BCL10: variants seen among roughly 807,000 people sequenced by gnomAD.
The protein encoded by BCL10 is BCL10 immune signaling adaptor, also known as B-cell lymphoma/leukemia 10.
In BCL10, 5 loss-of-function variants were observed where a neutral mutation model predicts 19.2. The observed-to-expected ratio is 0.26, with a 90% CI of 0.14 to 0.55. BCL10 has a LOEUF of 0.55. Among genes scored for constraint, BCL10 ranks in the 20% least tolerant of loss-of-function variants. The probability of loss-of-function intolerance (pLI) is 0.94; values close to 1 mark genes in which losing one functional copy is unlikely to be tolerated. For missense variants in BCL10, 201 were observed against 271.9 expected, an observed-to-expected ratio of 0.74 and a Z score of 1.83; for synonymous variants, 110 against 98.8, an observed-to-expected ratio of 1.11 and a Z score of -0.67.
In BCL10 at chr1:85,266,876, CAAAAAAAAAAA is replaced by C. The variant is rs71650007; in HGVS notation, c.*740_*750del. On this transcript the variant is annotated 3_prime_UTR_variant, in exon 3 of 3. Transcript: ENST00000648566. ...CCTGGGCGATAGAGCAAGACTGTCTCAAAAAAAAAAAAAAAAAAAAAAGAAAAAAGGAAAAA... is the reference window on the plus strand; with the variant it reads ...CCTGGGCGATAGAGCAAGACTGTCTCAAAAAAAAAAAGAAAAAAGGAAAAA... The C allele has an allele frequency of 5.6e-4, 50 of 88,542 alleles. No homozygotes were observed. Among genetic ancestry groups the C allele is most frequent in the Middle Eastern group, 5.6e-3 (1 of 178 alleles). The allele number at this position is 88,542 out of a possible 1,614,324, so 5.5% of individuals were successfully genotyped here. A position where few individuals can be genotyped will look rare whatever the true frequency, so the allele number is the denominator to read the frequency against.
Position 85,268,513 on chromosome 1 carries a change from T to C in BCL10, c.347-531A>G, listed in dbSNP as rs1331812145. Among the ~76,000 whole-genome samples the C allele has an allele frequency of 2.0e-5, 3 of 152,308 alleles. No individual in the cohort carries two copies. In the East Asian group the frequency reaches 5.8e-4, roughly 29 times the overall value. ...GGCGGGGCATGGTGGCTCACGCCTGTAATCCCAGCACTTTGGGAGGCCGAA... is the reference window on the plus strand; with the variant it reads ...GGCGGGGCATGGTGGCTCACGCCTGCAATCCCAGCACTTTGGGAGGCCGAA... On this transcript the variant is annotated intron_variant, in intron 2 of 2. Coordinates refer to ENST00000648566, the MANE Select transcript of BCL10 (RefSeq NM_003921.5).
At chr1:85,269,363 C>G (rs1660297791) in intron 2 of BCL10, among the ~76,000 whole-genome samples, 1 of 152,224 alleles carries the variant, frequency 6.6e-6, no homozygotes, top group South Asian at 2.1e-4. Context: ...AGAATAAACA[C>G]AAACACAATT....
chr1:85,276,436 G>A lies in BCL10; in HGVS notation c.-84C>T, dbSNP rs530878692. ...CCCTGGCTGGGGGCTTCGGCCTCCG[G>A]GTAATGGGGAAGAAGGAGAGGAGGC... On this transcript the variant is annotated 5_prime_UTR_variant, in exon 1 of 3. Coordinates refer to ENST00000648566, the MANE Select transcript of BCL10 (RefSeq NM_003921.5). The A allele has an allele frequency of 6.7e-6, 10 of 1,486,066 alleles. No homozygotes were observed. Among genetic ancestry groups the A allele is most frequent in the African/African-American group, 4.1e-5 (3 of 72,420 alleles). The allele number at this position is 1,486,066 out of a possible 1,614,324, so 92.1% of individuals were successfully genotyped here.
chr1:85,276,383 G>C lies in BCL10; in HGVS notation c.-31C>G. ...AGGCGGGAGATGGCGCTTCTTCCGG[G>C]TCCGGGAGCTCGGGCTGCGCCGCCC... On this transcript the variant is annotated 5_prime_UTR_variant, in exon 1 of 3. Transcript: ENST00000648566. 2.5e-6 allele frequency: 4 copies of C among 1,612,620 alleles called. No homozygotes were observed. Among genetic ancestry groups the C allele is most frequent in the Non-Finnish European group, 2.5e-6 (3 of 1,179,066 alleles).
At chr1:85,271,405 G>A (rs1264382850) in intron 1 of BCL10, among the ~76,000 whole-genome samples, 2 of 152,054 alleles carry the variant, frequency 1.3e-5, no homozygotes, top group African/African-American at 4.8e-5. Flanking sequence ...AGCCCATAAT[G>A]TATCTGTCTT....
In BCL10 at chr1:85,276,397, G is replaced by A. The variant is rs755915571; in HGVS notation, c.-45C>T. 1.2e-6 allele frequency: 2 copies of A among 1,605,732 alleles called. No individual in the cohort carries two copies. The highest frequency in any genetic ancestry group is 1.3e-5 in the African/African-American group (1 of 74,864). On this transcript the variant is annotated 5_prime_UTR_variant, in exon 1 of 3. Coordinates refer to ENST00000648566, the MANE Select transcript of BCL10 (RefSeq NM_003921.5). ...GCTTCTTCCGGGTCCGGGAGCTCGG[G>A]CTGCGCCGCCCCGCCCTGGCTGGGG...
Position 85,276,581 on chromosome 1 carries a change from G to A in BCL10, c.-229C>T, listed in dbSNP as rs61771973. The A allele has an allele frequency of 5.0e-6, 3 of 596,276 alleles. No homozygotes were observed. Among genetic ancestry groups the A allele is most frequent in the South Asian group, 2.0e-5 (1 of 50,660 alleles). The allele number at this position is 596,276 out of a possible 1,614,324, so 36.9% of individuals were successfully genotyped here. On this transcript the variant is annotated 5_prime_UTR_variant, in exon 1 of 3. Coordinates refer to ENST00000648566, the MANE Select transcript of BCL10 (RefSeq NM_003921.5). ...GCGACGCGAATCTACGCGACGCGACGCGGAGCTCGGAGCAGCGTTCCTTCC... is the reference window on the plus strand; with the variant it reads ...GCGACGCGAATCTACGCGACGCGACACGGAGCTCGGAGCAGCGTTCCTTCC...
rs1389609230 is a variant in BCL10 at position 85,267,202 on chromosome 1, G to T, written c.*425C>A. 3 of 206,072 alleles carry T rather than the reference G, an allele frequency of 1.5e-5. No individual in the cohort carries two copies. Among genetic ancestry groups the T allele is most frequent in the Non-Finnish European group, 3.0e-5 (3 of 100,842 alleles). The allele number at this position is 206,072 out of a possible 1,614,324, so 12.8% of individuals were successfully genotyped here. A position where few individuals can be genotyped will look rare whatever the true frequency, so the allele number is the denominator to read the frequency against. On this transcript the variant is annotated 3_prime_UTR_variant, in exon 3 of 3. Coordinates refer to ENST00000648566, the MANE Select transcript of BCL10 (RefSeq NM_003921.5). Reference sequence around the variant, plus strand: ...CCCATCAGTGACCGGTTTTATTACTGAACAGGAACAGCTTAATGCTGAAAA... The same window carrying T: ...CCCATCAGTGACCGGTTTTATTACTTAACAGGAACAGCTTAATGCTGAAAA...
rs1660176433 is a variant in BCL10 at position 85,265,874 on chromosome 1, C to A, written c.*1753G>T. On this transcript the variant is annotated 3_prime_UTR_variant, in exon 3 of 3. Coordinates refer to ENST00000648566, the MANE Select transcript of BCL10 (RefSeq NM_003921.5). ...TCTATATATAGGTGTTATTGTATATCTAAATTATAATCTTTGATTCAATTT... is the reference window on the plus strand; with the variant it reads ...TCTATATATAGGTGTTATTGTATATATAAATTATAATCTTTGATTCAATTT... Among the ~76,000 whole-genome samples, 1 of 152,172 alleles carries A rather than the reference C, an allele frequency of 6.6e-6. No individual in the cohort carries two copies. The highest frequency in any genetic ancestry group is 2.4e-5 in the African/African-American group (1 of 41,444).
Position 85,267,048 on chromosome 1 carries a change from T to C in BCL10, c.*579A>G, listed in dbSNP as rs141700168. On this transcript the variant is annotated 3_prime_UTR_variant, in exon 3 of 3. Transcript: ENST00000648566. ...AGTAAGGTTAATTAGAAATGAATTT[T>C]GGCAAACCGAGATCTTAGGTGGCTC... is the stretch of plus-strand genomic sequence containing the variant. 3.2e-3 allele frequency: 605 copies of C among 191,216 alleles called. 5 individuals carry two copies. The highest frequency in any genetic ancestry group is 0.013 in the African/African-American group (565 of 43,102). The allele number at this position is 191,216 out of a possible 1,614,324, so 11.8% of individuals were successfully genotyped here.
intron 1 of BCL10, among the ~76,000 whole-genome samples, chr1:85,272,886 A>G (rs888306799): frequency 6.6e-6 from 1 of 152,240 alleles, no homozygotes; most frequent in Non-Finnish European, 1.5e-5. Flanking sequence ...ATTATGGAAG[A>G]CAAGGTTCAT....
intron 1 of BCL10, 88 bp downstream of exon 1, chr1:85,276,208 C>T: frequency 6.6e-7 from 1 of 1,518,714 alleles, no homozygotes; most frequent in Non-Finnish European, 9.1e-7. Context: ...GAGGATCCTC[C>T]TTGTCCTCGG....
chr1:85,268,876 T>A (rs1473907141), intron 2 of BCL10, among the ~76,000 whole-genome samples: 1 of 152,022 alleles, frequency 6.6e-6, no homozygotes, highest in Non-Finnish European at 1.5e-5. Context: ...CAATAGATAA[T>A]GTCCTGTTTC....
chr1:85,271,439 C>T (rs536498424), intron 1 of BCL10, among the ~76,000 whole-genome samples: 9 of 152,152 alleles, frequency 5.9e-5, no homozygotes, highest in African/African-American at 1.9e-4. Context: ...AAAGACTACA[C>T]TCTAACTCAG....
At chr1:85,269,287 T>A (rs1462294776) in intron 2 of BCL10, among the ~76,000 whole-genome samples, 1 of 152,208 alleles carries the variant, frequency 6.6e-6, no homozygotes, top group Non-Finnish European at 1.5e-5. Flanking sequence ...AGAAAACAAC[T>A]TAGATACCAT....
chr1:85,268,049 T>C, intron 2 of BCL10, 67 bp from the exon 3 acceptor site: 2 of 1,111,104 alleles, frequency 1.8e-6, no homozygotes, highest in African/African-American at 1.6e-5. Context: ...GTCCATCTTG[T>C]GACTTGTTAA....
Position 85,266,828 on chromosome 1 carries a change from T to C in BCL10, c.*799A>G, listed in dbSNP as rs1239111737. On this transcript the variant is annotated 3_prime_UTR_variant, in exon 3 of 3. Transcript: ENST00000648566. Reference sequence around the variant, plus strand: ...TGGGAGGCAGAAGTTGCAGTGAGCCTAGAATGCGCCACTGCACTCCAGCCT... The same window carrying C: ...TGGGAGGCAGAAGTTGCAGTGAGCCCAGAATGCGCCACTGCACTCCAGCCT... 6.6e-6 allele frequency: 1 copy of C among 152,478 alleles called. No individual in the cohort carries two copies. The highest frequency in any genetic ancestry group is 3.1e-5 in the African/African-American group (1 of 32,420). 9.4% of individuals were successfully genotyped at this position (152,478 alleles called of 1,614,324 possible).
intron 1 of BCL10, among the ~76,000 whole-genome samples, chr1:85,274,356 C>T (rs1450826039): frequency 6.6e-6 from 1 of 152,178 alleles, no homozygotes; most frequent in Non-Finnish European, 1.5e-5. Context: ...AACAATCCCC[C>T]TCAAGAAATT....
chr1:85,266,562 G>A lies in BCL10; in HGVS notation c.*1065C>T, dbSNP rs1281684333. The A allele has an allele frequency of 1.1e-5, 2 of 182,490 alleles. No individual in the cohort carries two copies. The highest frequency in any genetic ancestry group is 4.7e-5 in the African/African-American group (2 of 42,496). The allele number at this position is 182,490 out of a possible 1,614,324, so 11.3% of individuals were successfully genotyped here. A position where few individuals can be genotyped will look rare whatever the true frequency, so the allele number is the denominator to read the frequency against. On this transcript the variant is annotated 3_prime_UTR_variant, in exon 3 of 3. Transcript: ENST00000648566. ...TCATTAAAAGAGAATGAAAAGTACA[G>A]AGAAAATATTTTTTAAAAATCTCAT...
Sources: allele counts gnomAD v4.1 joint callset (sites outside exome capture counted in the v4.1 genomes callset), GRCh38; gene constraint gnomAD v4.1.1; transcripts MANE v1.5; gene names NCBI Gene and HGNC (gene_info 2026-07-23, HGNC 2026-07-21).